Variants in ATP8A2 observed in about 807,000 individuals in gnomAD.
The protein encoded by ATP8A2 is ATPase phospholipid transporting 8A2, also known as phospholipid-transporting ATPase IB.
Under a neutral mutation model 165.6 loss-of-function variants are expected in ATP8A2, and 100 were observed. That is an observed-to-expected ratio of 0.60 (90% CI 0.51 to 0.71). The LOEUF (loss-of-function observed/expected upper bound fraction) is 0.71. ATP8A2 is among the 30% of genes least tolerant of loss of function. The pLI, the probability that ATP8A2 is intolerant of heterozygous loss-of-function variation, is 0.00. For synonymous variants in ATP8A2, 543 were observed against 548.8 expected (o/e 0.99, Z 0.15); for missense variants, 1,227 against 1,479.5 (o/e 0.83, Z 2.80).
intron 33 of ATP8A2, among the ~76,000 whole-genome samples, chr13:25,937,362 C>CTTTTTTTTTTTTTT (rs1555293658): frequency 7.2e-4 from 28 of 38,778 alleles, no homozygotes; most frequent in East Asian, 6.5e-3. Flanking sequence ...TTCTTTCTTT[C>CTTTTTTTTTTTTTT]TTTTTTTTTT....
intron 33 of ATP8A2, among the ~76,000 whole-genome samples, chr13:25,943,242 A>G (rs1955120479): frequency 6.6e-6 from 1 of 152,096 alleles, no homozygotes; most frequent in South Asian, 2.1e-4. Flanking sequence ...ATCCCTGGAG[A>G]ACTGCTATGC....
intron 24 of ATP8A2, among the ~76,000 whole-genome samples, chr13:25,662,472 G>A (rs751488250): frequency 4.6e-5 from 7 of 152,072 alleles, no homozygotes; most frequent in African/African-American, 9.7e-5. Flanking sequence ...TTTACCTAGC[G>A]AATATTTTTT....
At chr13:25,992,615 A>G (rs966839492) in intron 35 of ATP8A2, among the ~76,000 whole-genome samples, 1 of 152,100 alleles carries the variant, frequency 6.6e-6, no homozygotes, top group Non-Finnish European at 1.5e-5. Flanking sequence ...CAAGTCTAAG[A>G]GAACTCTGCT....
At chr13:25,798,644 G>A (rs967921414) in intron 27 of ATP8A2, among the ~76,000 whole-genome samples, 2 of 152,152 alleles carry the variant, frequency 1.3e-5, no homozygotes, top group African/African-American at 2.4e-5. Context: ...ATGTTATAAG[G>A]GATGGTTTTT....
Position 26,023,261 on chromosome 13 carries a change from CTT to C in ATP8A2, c.*3279_*3280del, listed in dbSNP as rs1354418081. On this transcript the variant is annotated 3_prime_UTR_variant, in exon 37 of 37. Coordinates refer to ENST00000381655, the MANE Select transcript of ATP8A2 (RefSeq NM_016529.6). ...ACATGAAAACAAAAACATGGTAACT[CTT>C]TTGGTTCGGCACACCATACAAAACG... 1 of 152,196 alleles carries C rather than the reference CTT, an allele frequency of 6.6e-6. No individual in the cohort carries two copies. The highest frequency in any genetic ancestry group is 2.4e-5 in the African/African-American group (1 of 41,452). 9.4% of individuals were successfully genotyped at this position (152,196 alleles called of 1,614,324 possible).
chr13:25,540,855 C>CT (rs1440785341), intron 8 of ATP8A2, among the ~76,000 whole-genome samples: 5 of 150,988 alleles, frequency 3.3e-5, no homozygotes, highest in Non-Finnish European at 5.9e-5. Flanking sequence ...GAAGAATAGT[C>CT]TTTTTTGGTT....
chr13:25,906,136 T>G (rs1953929325), intron 33 of ATP8A2, among the ~76,000 whole-genome samples: 1 of 152,172 alleles, frequency 6.6e-6, no homozygotes, highest in Non-Finnish European at 1.5e-5. Context: ...CAGATTTCTA[T>G]CTTTTTGTCA....
intron 1 of ATP8A2, among the ~76,000 whole-genome samples, chr13:25,461,311 C>T (rs1330650889): frequency 1.3e-5 from 2 of 152,180 alleles, no homozygotes; most frequent in African/African-American, 4.8e-5. Context: ...TGTATTTGCA[C>T]AGCATTTTCA....
chr13:25,397,847 T>C (rs910605758), intron 1 of ATP8A2, among the ~76,000 whole-genome samples: 2 of 152,162 alleles, frequency 1.3e-5, no homozygotes. Context: ...CATCTCAAAG[T>C]GGGGGCTTCC....
intron 24 of ATP8A2, among the ~76,000 whole-genome samples, chr13:25,669,280 C>G (rs1422108128): frequency 6.6e-6 from 1 of 152,132 alleles, no homozygotes; most frequent in East Asian, 1.9e-4. Flanking sequence ...ACTGAAGCCT[C>G]TGTTCTGTTG....
At chr13:26,007,917 A>G (rs1956775224) in intron 35 of ATP8A2, among the ~76,000 whole-genome samples, 1 of 152,184 alleles carries the variant, frequency 6.6e-6, no homozygotes, top group Admixed American at 6.5e-5. Flanking sequence ...AACAGAAACT[A>G]GAAAAATTTT....
chr13:25,406,915 C>T lies in ATP8A2; in HGVS notation c.76+34627C>T, dbSNP rs554383102. Among the ~76,000 whole-genome samples the T allele has an allele frequency of 3.6e-4, 55 of 152,342 alleles. No homozygotes were observed. The South Asian group carries it at 0.011, about 30-fold the overall frequency. ...TGGCAGATGGCCATGTCTCTCAGAT[C>T]GTCAGGCCACCAAGGTAGCGTCCCC... On this transcript the variant is annotated intron_variant, in intron 1 of 36. Transcript: ENST00000381655.
chr13:25,800,320 A>C (rs1171111716), intron 27 of ATP8A2, among the ~76,000 whole-genome samples: 1 of 152,232 alleles, frequency 6.6e-6, no homozygotes, highest in Admixed American at 6.5e-5. Flanking sequence ...ACCTGTGCAG[A>C]CCTGGTCAGA....
At position 25,870,304 on chromosome 13, in the gene ATP8A2, G is replaced by A. The variant is rs181508348; in HGVS notation, c.3183+7896G>A. Among the ~76,000 whole-genome samples, 802 of 152,202 alleles carry A rather than the reference G, an allele frequency of 5.3e-3. 13 individuals carry two copies. Among genetic ancestry groups the A allele is most frequent in the African/African-American group, 0.019 (785 of 41,526 alleles). ...GATTTTTGTATAGGCACAGGATAGG[G>A]GCGTGGCAGGTCAGGGTGGTTTTGG... On this transcript the variant is annotated intron_variant, in intron 33 of 36. Coordinates refer to ENST00000381655, the MANE Select transcript of ATP8A2 (RefSeq NM_016529.6).
At chr13:25,500,668 C>A (rs1311593110) in intron 2 of ATP8A2, among the ~76,000 whole-genome samples, 1 of 152,148 alleles carries the variant, frequency 6.6e-6, no homozygotes, top group Non-Finnish European at 1.5e-5. Flanking sequence ...TTACCCCAAC[C>A]TCCACGGCTC....
intron 36 of ATP8A2, among the ~76,000 whole-genome samples, chr13:26,016,960 A>C (rs1338142863): frequency 1.3e-5 from 2 of 152,194 alleles, no homozygotes; most frequent in African/African-American, 4.8e-5. Context: ...CCAAAGTCAC[A>C]TGGACAAGTA....
intron 24 of ATP8A2, among the ~76,000 whole-genome samples, chr13:25,601,821 C>T (rs1046701485): frequency 1.3e-5 from 2 of 152,128 alleles, no homozygotes; most frequent in Non-Finnish European, 2.9e-5. Flanking sequence ...ATGTGGGTCA[C>T]ATATTTTAAA....
chr13:25,741,331 A>G (rs2043905945), intron 25 of ATP8A2, among the ~76,000 whole-genome samples: 1 of 152,172 alleles, frequency 6.6e-6, no homozygotes, highest in Non-Finnish European at 1.5e-5. Context: ...TACCCAGACT[A>G]GAAGTGTCCC....
intron 1 of ATP8A2, among the ~76,000 whole-genome samples, chr13:25,397,712 G>A (rs2033477025): frequency 6.6e-6 from 1 of 152,314 alleles, no homozygotes; most frequent in East Asian, 1.9e-4. Flanking sequence ...CAGGTCCTGA[G>A]AACATGTGCC....
Sources: allele counts gnomAD v4.1 joint callset (sites outside exome capture counted in the v4.1 genomes callset), GRCh38; gene constraint gnomAD v4.1.1; transcripts MANE v1.5; gene names NCBI Gene and HGNC (gene_info 2026-07-23, HGNC 2026-07-21).